ULK4: variants seen among roughly 807,000 people sequenced by gnomAD.
The protein encoded by ULK4 is inactive serine/threonine-protein kinase ULK4.
ULK4 carries 133 observed loss-of-function variants against 160.6 expected under a neutral mutation model. The observed-to-expected ratio is 0.83, with a 90% CI of 0.72 to 0.96. The LOEUF (loss-of-function observed/expected upper bound fraction) is 0.96. Among genes scored for constraint, ULK4 ranks in the 40% least tolerant of loss-of-function variants. The pLI, the probability that ULK4 is intolerant of heterozygous loss-of-function variation, is 0.00. For missense variants in ULK4, 1,580 were observed against 1,499.5 expected (o/e 1.05, Z -0.89); for synonymous variants, 534 against 539.8 (o/e 0.99, Z 0.15).
At chr3:41,297,420 T>A (rs553760091) in intron 35 of ULK4, among the ~76,000 whole-genome samples, 1 of 152,244 alleles carries the variant, frequency 6.6e-6, no homozygotes, top group Non-Finnish European at 1.5e-5. Flanking sequence ...TCCAACATAC[T>A]GCACTGGCAA....
At chr3:41,382,700 A>G (rs931048102) in intron 35 of ULK4, among the ~76,000 whole-genome samples, 1 of 152,182 alleles carries the variant, frequency 6.6e-6, no homozygotes, top group Admixed American at 6.5e-5. Context: ...GTTTCAATTC[A>G]ACTTATCTAA....
intron 21 of ULK4, among the ~76,000 whole-genome samples, chr3:41,773,876 A>G (rs2039502656): frequency 6.6e-6 from 1 of 152,202 alleles, no homozygotes; most frequent in Non-Finnish European, 1.5e-5. Flanking sequence ...AAACAGAGAT[A>G]TAGACCAATG....
intron 35 of ULK4, among the ~76,000 whole-genome samples, chr3:41,393,823 C>G (rs2082002798): frequency 6.6e-6 from 1 of 152,162 alleles, no homozygotes; most frequent in African/African-American, 2.4e-5. Context: ...GAACTCAGAT[C>G]AGTCCTTGGC....
intron 12 of ULK4, among the ~76,000 whole-genome samples, chr3:41,907,463 AT>A (rs71989991): frequency 7.9e-5 from 12 of 151,184 alleles, no homozygotes; most frequent in Middle Eastern, 3.4e-3. Context: ...AACCCAGCTA[AT>A]TTTTTTTTAT....
intron 31 of ULK4, among the ~76,000 whole-genome samples, chr3:41,578,836 A>T (rs1281476590): frequency 6.6e-6 from 1 of 152,206 alleles, no homozygotes. Flanking sequence ...TGATCAAGGG[A>T]GAAAGTGACC....
intron 29 of ULK4, among the ~76,000 whole-genome samples, chr3:41,666,940 T>G (rs1408390780): frequency 2.0e-5 from 3 of 151,914 alleles, no homozygotes; most frequent in Admixed American, 1.3e-4. Context: ...GTCCAGGAGT[T>G]GAGACCAGCC....
At chr3:41,547,217 T>C (rs754608837) in intron 32 of ULK4, among the ~76,000 whole-genome samples, 1 of 152,200 alleles carries the variant, frequency 6.6e-6, no homozygotes, top group Non-Finnish European at 1.5e-5. Context: ...TTGCTGACCA[T>C]AGTGCAGTAA....
chr3:41,407,078 C>T (rs946209467), intron 34 of ULK4, among the ~76,000 whole-genome samples: 1 of 152,128 alleles, frequency 6.6e-6, no homozygotes, highest in South Asian at 2.1e-4. Flanking sequence ...TAGGACAAGG[C>T]AGCTAGAGTT....
At chr3:41,823,211 A>T (rs1001283654) in intron 18 of ULK4, among the ~76,000 whole-genome samples, 5 of 152,170 alleles carry the variant, frequency 3.3e-5, no homozygotes, top group Non-Finnish European at 4.4e-5. Flanking sequence ...AACAACTCAG[A>T]AGAAAATATT....
At chr3:41,940,946 T>G (rs929695054) in intron 2 of ULK4, among the ~76,000 whole-genome samples, 1 of 151,890 alleles carries the variant, frequency 6.6e-6, no homozygotes, top group Non-Finnish European at 1.5e-5. Flanking sequence ...ATATGAAAAA[T>G]AAGACCACAA....
intron 30 of ULK4, among the ~76,000 whole-genome samples, chr3:41,649,240 G>T (rs1031412300): frequency 6.6e-6 from 1 of 152,166 alleles, no homozygotes; most frequent in East Asian, 1.9e-4. Flanking sequence ...TGGCAGCAGC[G>T]GCCCATTTGG....
intron 30 of ULK4, among the ~76,000 whole-genome samples, chr3:41,625,859 G>A (rs1184330642): frequency 6.6e-6 from 1 of 152,090 alleles, no homozygotes; most frequent in Non-Finnish European, 1.5e-5. Context: ...AGACCTTTTT[G>A]AAATTATCCC....
intron 12 of ULK4, among the ~76,000 whole-genome samples, chr3:41,903,160 A>G (rs1225650410): frequency 2.0e-5 from 3 of 152,258 alleles, no homozygotes; most frequent in African/African-American, 7.2e-5. Context: ...AGGAACTGCT[A>G]GTAAATTATA....
intron 25 of ULK4, among the ~76,000 whole-genome samples, chr3:41,713,051 A>G (rs937348803): frequency 2.0e-4 from 30 of 152,046 alleles, no homozygotes; most frequent in African/African-American, 6.8e-4. Context: ...CAGAACGTTC[A>G]TAACTATGCA....
chr3:41,631,532 T>G lies in ULK4; in HGVS notation c.3072-15815A>C, dbSNP rs114886133. Among the ~76,000 whole-genome samples the G allele has an allele frequency of 5.8e-3, 890 of 152,306 alleles. 6 individuals carry two copies. The highest frequency in any genetic ancestry group is 0.021 in the African/African-American group (862 of 41,558). On this transcript the variant is annotated intron_variant, in intron 30 of 36. Transcript: ENST00000301831. The stretch of plus-strand genomic sequence containing the variant: ...CCAGCATTAAAAATATGGATTTTAG[T>G]AAGACAATTTCGGTTAGGTTAAAAG...
chr3:41,375,316 T>C (rs2081462743), intron 35 of ULK4, among the ~76,000 whole-genome samples: 1 of 151,924 alleles, frequency 6.6e-6, no homozygotes, highest in African/African-American at 2.4e-5. Flanking sequence ...AAAGAGTCTG[T>C]ATAGCCAAGA....
intron 34 of ULK4, among the ~76,000 whole-genome samples, chr3:41,418,881 G>A (rs775489857): frequency 2.0e-5 from 3 of 152,176 alleles, no homozygotes; most frequent in Non-Finnish European, 4.4e-5. Context: ...TGCATGAATG[G>A]GCACATTATA....
intron 35 of ULK4, among the ~76,000 whole-genome samples, chr3:41,281,006 C>T (rs1261934508): frequency 6.6e-6 from 1 of 152,124 alleles, no homozygotes; most frequent in Non-Finnish European, 1.5e-5. Context: ...TACAAACTAC[C>T]ATCAGAGAAT....
At chr3:41,595,889 C>T (rs1000785650) in intron 31 of ULK4, among the ~76,000 whole-genome samples, 9 of 152,138 alleles carry the variant, frequency 5.9e-5, no homozygotes, top group African/African-American at 2.2e-4. Flanking sequence ...AGAAATGTAG[C>T]TGTGACACTG....
Sources: allele counts gnomAD v4.1 joint callset (sites outside exome capture counted in the v4.1 genomes callset), GRCh38; gene constraint gnomAD v4.1.1; transcripts MANE v1.5; gene names NCBI Gene and HGNC (gene_info 2026-07-23, HGNC 2026-07-21).